Variants in CSMD1 observed in about 807,000 individuals in gnomAD.
The protein encoded by CSMD1 is CUB and sushi domain-containing protein 1.
CSMD1 carries 213 observed loss-of-function variants against 417.5 expected under a neutral mutation model. The ratio of observed to expected loss-of-function variants is 0.51; its 90% confidence interval spans 0.46 to 0.57. CSMD1 has a LOEUF of 0.57. CSMD1 is among the 20% of genes least tolerant of loss of function. The pLI, the probability that CSMD1 is intolerant of heterozygous loss-of-function variation, is 0.00. For missense variants in CSMD1, 6,923 were observed against 4,529.7 expected (o/e 1.53, Z -15.17); for synonymous variants, 2,862 against 1,736.8 (o/e 1.65, Z -16.11).
chr8:4,127,765 T>C (rs781529079), intron 3 of CSMD1, among the ~76,000 whole-genome samples: 4 of 152,236 alleles, frequency 2.6e-5, no homozygotes, highest in Non-Finnish European at 5.9e-5. Context: ...TCTTGACATA[T>C]ATTGTCTCAT....
intron 3 of CSMD1, among the ~76,000 whole-genome samples, chr8:4,236,279 C>A (rs73186156): frequency 0.041 from 6,294 of 152,006 alleles, 151 homozygotes; most frequent in East Asian, 0.085. Flanking sequence ...GCACACTGAT[C>A]GGAATTCTTA....
At chr8:4,140,357 G>C (rs1803710308) in intron 3 of CSMD1, among the ~76,000 whole-genome samples, 1 of 150,984 alleles carries the variant, frequency 6.6e-6, no homozygotes, top group African/African-American at 2.5e-5. Context: ...AATTAGCTGG[G>C]AATGGTGGCA....
At chr8:4,016,787 G>GT (rs971222186) in intron 4 of CSMD1, among the ~76,000 whole-genome samples, 2 of 152,258 alleles carry the variant, frequency 1.3e-5, no homozygotes, top group South Asian at 2.1e-4. Context: ...GTATAGTTGG[G>GT]TTTTTTTGGT....
At chr8:3,750,596 G>C (rs1797289436) in intron 6 of CSMD1, among the ~76,000 whole-genome samples, 1 of 151,898 alleles carries the variant, frequency 6.6e-6, no homozygotes, top group African/African-American at 2.4e-5. Context: ...AATACAATTT[G>C]GGCTTCATGC....
In CSMD1 at chr8:3,383,922, A is replaced by G. The variant is rs148610830; in HGVS notation, c.2782+3572T>C. Among the ~76,000 whole-genome samples the G allele has an allele frequency of 4.4e-3, 673 of 152,328 alleles. 4 individuals carry two copies. Among genetic ancestry groups the G allele is most frequent in the African/African-American group, 0.016 (645 of 41,562 alleles). ...CAGCGAAACACAGCTAACTGCCATA[A>G]TATGGATGGACCCCACAGACTTAAG... On this transcript the variant is annotated intron_variant, in intron 18 of 69. Transcript: ENST00000635120.
At chr8:4,092,128 A>C (rs1309380874) in intron 3 of CSMD1, among the ~76,000 whole-genome samples, 3 of 152,172 alleles carry the variant, frequency 2.0e-5, no homozygotes, top group African/African-American at 7.2e-5. Flanking sequence ...CTTTCTCCTT[A>C]AGAGAAGAAA....
intron 3 of CSMD1, among the ~76,000 whole-genome samples, chr8:4,172,881 C>T (rs932215370): frequency 3.3e-5 from 5 of 152,188 alleles, no homozygotes; most frequent in Admixed American, 6.5e-5. Flanking sequence ...AAAGGGAGCC[C>T]AGCCCATTCC....
At chr8:3,183,599 GAGT>G (rs1445409226) in intron 36 of CSMD1, among the ~76,000 whole-genome samples, 1 of 146,772 alleles carries the variant, frequency 6.8e-6, no homozygotes, top group East Asian at 2.0e-4. Context: ...CTGAAATATC[GAGT>G]AGGTCTCTAA....
At chr8:3,091,483 C>T (rs959397041) in intron 48 of CSMD1, 33 bp downstream of exon 48, 3 of 1,520,522 alleles carry the variant, frequency 2.0e-6, no homozygotes, top group South Asian at 2.5e-5. Flanking sequence ...TTTTAAAATA[C>T]TTTCATATAA....
intron 29 of CSMD1, among the ~76,000 whole-genome samples, chr8:3,216,159 T>C (rs1357252250): frequency 6.6e-6 from 1 of 151,838 alleles, no homozygotes; most frequent in Non-Finnish European, 1.5e-5. Flanking sequence ...TGCTCTCTAA[T>C]TGCTTTGTTG....
intron 1 of CSMD1, among the ~76,000 whole-genome samples, chr8:4,921,918 A>G (rs750121436): frequency 6.6e-6 from 1 of 152,228 alleles, no homozygotes; most frequent in Non-Finnish European, 1.5e-5. Flanking sequence ...AGCCACCTCC[A>G]GCCTTCTGAA....
At chr8:4,571,631 G>C (rs1230095782) in intron 2 of CSMD1, among the ~76,000 whole-genome samples, 1 of 152,114 alleles carries the variant, frequency 6.6e-6, no homozygotes, top group Non-Finnish European at 1.5e-5. Context: ...AATTTCGGGT[G>C]GACAGTTCTA....
intron 5 of CSMD1, among the ~76,000 whole-genome samples, chr8:3,876,965 T>A (rs62482708): frequency 6.6e-6 from 1 of 152,126 alleles, no homozygotes. Context: ...CAAGAAATAA[T>A]TCATAAGTCA....
chr8:3,626,812 A>G (rs1563211332), intron 7 of CSMD1, among the ~76,000 whole-genome samples: 1 of 149,908 alleles, frequency 6.7e-6, no homozygotes, highest in East Asian at 1.9e-4. Context: ...TATGTATACT[A>G]AATATAATTT....
intron 3 of CSMD1, among the ~76,000 whole-genome samples, chr8:4,398,136 T>A (rs1302944062): frequency 6.6e-6 from 1 of 152,108 alleles, no homozygotes; most frequent in African/African-American, 2.4e-5. Context: ...TGGCAAAGTG[T>A]TTAGAGCAGG....
chr8:4,327,643 A>C (rs919935080), intron 3 of CSMD1, among the ~76,000 whole-genome samples: 1 of 152,090 alleles, frequency 6.6e-6, no homozygotes, highest in Admixed American at 6.6e-5. Flanking sequence ...CAACAACAAA[A>C]AACAACAAAA....
chr8:3,882,738 G>C (rs908122948), intron 5 of CSMD1, among the ~76,000 whole-genome samples: 2 of 152,190 alleles, frequency 1.3e-5, no homozygotes, highest in Admixed American at 6.5e-5. Flanking sequence ...GTAGGTGAAT[G>C]TCACAAACAT....
chr8:3,494,526 G>C (rs1796278561), intron 10 of CSMD1, among the ~76,000 whole-genome samples: 1 of 151,546 alleles, frequency 6.6e-6, no homozygotes, highest in Non-Finnish European at 1.5e-5. Flanking sequence ...ATGGATGGTA[G>C]AAGATTAGCA....
At chr8:3,793,665 T>G (rs944659296) in intron 5 of CSMD1, among the ~76,000 whole-genome samples, 2 of 152,168 alleles carry the variant, frequency 1.3e-5, no homozygotes, top group Non-Finnish European at 2.9e-5. Context: ...TCTCAGCATT[T>G]GTAAACCACT....
Sources: gnomAD v4.1 joint callset for allele counts (sites outside exome capture counted in the v4.1 genomes callset) on GRCh38, gnomAD v4.1.1 for gene constraint, MANE v1.5 for transcripts, NCBI Gene and HGNC (gene_info 2026-07-23, HGNC 2026-07-21) for gene names.